The following QTMAN variants were observed in gnomAD, a reference collection of about 807,000 sequenced individuals.
QTMAN encodes the protein queuosine-tRNA mannosyltransferase.
chr2:144,313,294 T>A, the QTMAN span, among the ~76,000 whole-genome samples: 1 of 152,214 alleles, frequency 6.6e-6, no homozygotes, highest in Non-Finnish European at 1.5e-5. Context: ...AAGCCCCACA[T>A]CCCTCTTTAG....
the QTMAN span, among the ~76,000 whole-genome samples, chr2:143,982,145 T>C: frequency 6.6e-6 from 1 of 152,226 alleles, no homozygotes; most frequent in Non-Finnish European, 1.5e-5. Context: ...TTCTCCAGAA[T>C]GAGAAGCCTC....
the QTMAN span, among the ~76,000 whole-genome samples, chr2:144,213,049 A>C: frequency 6.6e-6 from 1 of 152,232 alleles, no homozygotes; most frequent in Non-Finnish European, 1.5e-5. Flanking sequence ...TGAAAATATC[A>C]ATAGTATTTC....
At chr2:144,233,851 G>A in the QTMAN span, among the ~76,000 whole-genome samples, 1 of 152,140 alleles carries the variant, frequency 6.6e-6, no homozygotes, top group Admixed American at 6.6e-5. Context: ...TAAAAACCAT[G>A]TGAGAGATTA....
At chr2:144,216,807 A>T in the QTMAN span, among the ~76,000 whole-genome samples, 1 of 152,146 alleles carries the variant, frequency 6.6e-6, no homozygotes, top group Non-Finnish European at 1.5e-5. Flanking sequence ...TAAATTTCAT[A>T]AATTTTGAAA....
chr2:144,052,100 G>A, the QTMAN span, among the ~76,000 whole-genome samples: 2 of 151,790 alleles, frequency 1.3e-5, no homozygotes, highest in African/African-American at 2.4e-5. Context: ...AAACCGAACA[G>A]TGCCAGCACA....
chr2:144,037,707 C>T, the QTMAN span, among the ~76,000 whole-genome samples: 4 of 152,042 alleles, frequency 2.6e-5, no homozygotes, highest in Non-Finnish European at 5.9e-5. Context: ...CTCATCAATG[C>T]CTAAGAAAAA....
the QTMAN span, chr2:143,939,834 C>T: frequency 6.6e-6 from 1 of 152,168 alleles, no homozygotes; most frequent in African/African-American, 2.4e-5. Context: ...ATACTTCCCT[C>T]CCTCCCTTTT....
the QTMAN span, among the ~76,000 whole-genome samples, chr2:144,261,635 G>A: frequency 6.6e-6 from 1 of 152,172 alleles, no homozygotes; most frequent in African/African-American, 2.4e-5. Flanking sequence ...GCTAAAAAGT[G>A]TAGTATTTAT....
chr2:144,241,417 C>T, the QTMAN span, among the ~76,000 whole-genome samples: 5 of 152,148 alleles, frequency 3.3e-5, no homozygotes, highest in Admixed American at 1.3e-4. Context: ...TCTTTAACGT[C>T]GAATGTGTGC....
the QTMAN span, among the ~76,000 whole-genome samples, chr2:144,149,332 A>G: frequency 6.6e-6 from 1 of 151,992 alleles, no homozygotes; most frequent in South Asian, 2.1e-4. Context: ...AGTTTATCTC[A>G]GCATGAAGAT....
chr2:144,059,989 T>TA, the QTMAN span, among the ~76,000 whole-genome samples: 1 of 152,186 alleles, frequency 6.6e-6, no homozygotes. Flanking sequence ...GAAATTATTT[T>TA]AACTTATTTG....
At chr2:144,117,174 C>A in the QTMAN span, among the ~76,000 whole-genome samples, 1 of 152,134 alleles carries the variant, frequency 6.6e-6, no homozygotes, top group Non-Finnish European at 1.5e-5. Flanking sequence ...TCCTGACTCT[C>A]CAGCAAATGT....
At chr2:143,988,644 G>T in the QTMAN span, among the ~76,000 whole-genome samples, 1 of 152,222 alleles carries the variant, frequency 6.6e-6, no homozygotes, top group South Asian at 2.1e-4. Flanking sequence ...AAAGCTTAGT[G>T]AGGGTGAGCA....
chr2:144,101,493 T>A, the QTMAN span, among the ~76,000 whole-genome samples: 1 of 152,156 alleles, frequency 6.6e-6, no homozygotes, highest in African/African-American at 2.4e-5. Flanking sequence ...ACGCTTCTCA[T>A]GTTCATGTTA....
At chr2:143,973,419 C>G in the QTMAN span, among the ~76,000 whole-genome samples, 1 of 152,098 alleles carries the variant, frequency 6.6e-6, no homozygotes, top group Non-Finnish European at 1.5e-5. Flanking sequence ...TATAAATATA[C>G]AAGTTTATTT....
chr2:144,175,516 CCTCCA>C, the QTMAN span, among the ~76,000 whole-genome samples: 1 of 152,096 alleles, frequency 6.6e-6, no homozygotes, highest in Non-Finnish European at 1.5e-5. Context: ...CTATCCCTAC[CCTCCA>C]AATAAGGCAC....
chr2:144,133,116 A>AATATATATATATATAT, the QTMAN span, among the ~76,000 whole-genome samples: 22 of 41,370 alleles, frequency 5.3e-4, no homozygotes, highest in South Asian at 7.0e-4. Flanking sequence ...AATGACTGGT[A>AATATATATATATATAT]ATATATATAT....
the QTMAN span, among the ~76,000 whole-genome samples, chr2:144,182,643 CAAAAAAAAAA>C: frequency 4.3e-4 from 15 of 34,980 alleles, no homozygotes; most frequent in Non-Finnish European, 6.9e-4. Flanking sequence ...GACTCCGTCT[CAAAAAAAAAA>C]AAAAAAAAAA....
the QTMAN span, chr2:144,141,877 C>T: frequency 6.3e-7 from 1 of 1,596,618 alleles, no homozygotes; most frequent in Admixed American, 1.7e-5. Flanking sequence ...GTCAAACATA[C>T]TGACCTGCTC....
Sources: gnomAD v4.1 joint callset for allele counts (sites outside exome capture counted in the v4.1 genomes callset) on GRCh38, gnomAD v4.1.1 for gene constraint, MANE v1.5 for transcripts, NCBI Gene and HGNC (gene_info 2026-07-23, HGNC 2026-07-21) for gene names.